The following MME variants were observed in gnomAD, a reference collection of about 807,000 sequenced individuals.
The protein encoded by MME is membrane metalloendopeptidase.
In MME, 98 loss-of-function variants were observed where a neutral mutation model predicts 113.2. The ratio of observed to expected loss-of-function variants is 0.87; its 90% CI spans 0.74 to 1.02. The LOEUF (loss-of-function observed/expected upper bound fraction) is 1.02, where lower values mean the gene tolerates loss of function less well. MME is among the 50% of genes least tolerant of loss of function. The pLI is 0.00. For synonymous variants in MME, 292 were observed against 300.6 expected, an observed-to-expected ratio of 0.97 and a Z score of 0.30; for missense variants, 836 against 896.0, an observed-to-expected ratio of 0.93 and a Z score of 0.86.
chr3:155,127,959 C>T lies in MME; in HGVS notation c.720+9148C>T, dbSNP rs569272826. 9.9e-5 allele frequency among the ~76,000 whole-genome samples: 15 copies of T among 152,268 alleles called. No individual in the cohort carries two copies. The South Asian group carries it at 3.1e-3, about 32-fold the overall frequency. On this transcript the variant is annotated intron_variant, in intron 8 of 22. Coordinates refer to ENST00000360490, the MANE Select transcript of MME (RefSeq NM_007289.4). ...AAGTTATTCTCAGCTTAATTAGGTG[C>T]TCTTCAACGATCTGAATCAGACTAG... is the stretch of plus-strand genomic sequence containing the variant.
rs144517947 is a variant in MME, at chr3:155,086,670, C to T, written c.196+1576C>T. ...AGGAAGGTGGTAGCTGAGGGCAGCA[C>T]CTGGGATATGAACACAATATTTGTG... On this transcript the variant is annotated intron_variant, in intron 3 of 22. Transcript: ENST00000360490. Among the ~76,000 whole-genome samples the T allele has an allele frequency of 2.0e-3, 298 of 152,254 alleles. 1 individual carries two copies. Among genetic ancestry groups the T allele is most frequent in the Non-Finnish European group, 3.3e-3 (225 of 68,024 alleles).
chr3:155,025,218 G>T (rs989128369), intron 1 of MME, among the ~76,000 whole-genome samples: 5 of 152,142 alleles, frequency 3.3e-5, no homozygotes, highest in African/African-American at 1.2e-4. Flanking sequence ...GCCTGCCAAT[G>T]GGGAGGACAC....
intron 20 of MME, 93 bp downstream of exon 20, chr3:155,168,890 C>A: frequency 9.4e-7 from 1 of 1,059,146 alleles, no homozygotes; most frequent in Non-Finnish European, 1.4e-6. Context: ...AAAAGAAACT[C>A]ATATAAGCAG....
chr3:155,103,534 C>G (rs1243894697), intron 3 of MME, among the ~76,000 whole-genome samples: 1 of 152,156 alleles, frequency 6.6e-6, no homozygotes, highest in African/African-American at 2.4e-5. Context: ...TAAGCTAGAA[C>G]TAGGTTAATG....
intron 3 of MME, among the ~76,000 whole-genome samples, chr3:155,086,136 A>T (rs548915461): frequency 6.6e-6 from 1 of 152,270 alleles, no homozygotes; most frequent in African/African-American, 2.4e-5. Context: ...TCTGTACTCC[A>T]AGTGTAAGCT....
At chr3:155,134,840 G>A (rs1036348414) in intron 8 of MME, among the ~76,000 whole-genome samples, 4 of 152,128 alleles carry the variant, frequency 2.6e-5, no homozygotes, top group African/African-American at 4.8e-5. Context: ...CAACTGGTGT[G>A]AGATGGTATT....
At chr3:155,082,032 C>G (rs1715196002) in intron 1 of MME, 1 of 152,060 alleles carries the variant, frequency 6.6e-6, no homozygotes, top group African/African-American at 2.4e-5. Context: ...GGGTGCTGAC[C>G]CATTAAGAGC....
intron 1 of MME, among the ~76,000 whole-genome samples, chr3:155,064,726 A>T (rs113857175): frequency 0.012 from 1,845 of 152,318 alleles, 36 homozygotes; most frequent in African/African-American, 0.042. Context: ...GGATACTGCA[A>T]CAAAGTGCAA....
At chr3:155,154,688 A>T (rs1722186600) in intron 16 of MME, among the ~76,000 whole-genome samples, 1 of 152,190 alleles carries the variant, frequency 6.6e-6, no homozygotes, top group Admixed American at 6.5e-5. Flanking sequence ...TGTTTCTAGA[A>T]CCAACCTTCT....
At chr3:155,096,800 C>T (rs2007329) in intron 3 of MME, among the ~76,000 whole-genome samples, 14,313 of 152,130 alleles carry the variant, frequency 0.094, 783 homozygotes, top group South Asian at 0.2. Flanking sequence ...TCACTGTAGC[C>T]TCAACTTCCC....
At chr3:155,124,650 A>G (rs939315007) in intron 8 of MME, among the ~76,000 whole-genome samples, 1 of 151,668 alleles carries the variant, frequency 6.6e-6, no homozygotes, top group African/African-American at 2.4e-5. Flanking sequence ...CAGGACCCTC[A>G]GCTGCAGGTC....
chr3:155,037,486 C>G (rs1360462405), intron 1 of MME, among the ~76,000 whole-genome samples: 2 of 152,158 alleles, frequency 1.3e-5, no homozygotes, highest in Non-Finnish European at 2.9e-5. Context: ...CCTCTAACTT[C>G]TGCTCTCCTG....
At chr3:155,175,474 T>A (rs1011460377) in intron 22 of MME, among the ~76,000 whole-genome samples, 29 of 151,900 alleles carry the variant, frequency 1.9e-4, no homozygotes, top group African/African-American at 5.6e-4. Flanking sequence ...CAGTTTTTGG[T>A]TAGCCATCTA....
chr3:155,171,338 T>C (rs1482191628), intron 20 of MME, among the ~76,000 whole-genome samples: 2 of 152,168 alleles, frequency 1.3e-5, no homozygotes, highest in African/African-American at 4.8e-5. Context: ...TAAGTCTATG[T>C]TGACGGTAAG....
At chr3:155,130,335 A>G (rs1720038266) in intron 8 of MME, among the ~76,000 whole-genome samples, 4 of 152,190 alleles carry the variant, frequency 2.6e-5, no homozygotes, top group Admixed American at 2.6e-4. Context: ...CATTTCTTTG[A>G]GTAGAGCATT....
intron 8 of MME, among the ~76,000 whole-genome samples, chr3:155,126,039 G>A (rs1207267598): frequency 1.3e-5 from 2 of 152,094 alleles, no homozygotes; most frequent in Admixed American, 1.3e-4. Context: ...TCACTGTAAG[G>A]TATCTTTTTG....
chr3:155,154,145 G>T (rs1287977299), intron 16 of MME, among the ~76,000 whole-genome samples: 2 of 152,152 alleles, frequency 1.3e-5, no homozygotes, highest in African/African-American at 4.8e-5. Context: ...AAACAAAAAT[G>T]ATTGGCTCAT....
intron 1 of MME, among the ~76,000 whole-genome samples, chr3:155,050,208 C>T (rs935993807): frequency 2.6e-5 from 4 of 152,092 alleles, no homozygotes; most frequent in Non-Finnish European, 4.4e-5. Context: ...TGTATATATA[C>T]CACATTTTCT....
At chr3:155,061,407 C>T (rs1236449029) in intron 1 of MME, among the ~76,000 whole-genome samples, 28 of 146,146 alleles carry the variant, frequency 1.9e-4, no homozygotes, top group Non-Finnish European at 1.2e-4. Flanking sequence ...GCCGAGATGG[C>T]GCCACTGCAC....
Sources: gnomAD v4.1 joint callset for allele counts (sites outside exome capture counted in the v4.1 genomes callset) on GRCh38, gnomAD v4.1.1 for gene constraint, MANE v1.5 for transcripts, NCBI Gene and HGNC (gene_info 2026-07-23, HGNC 2026-07-21) for gene names.